SYTL2: variants seen among roughly 807,000 people sequenced by gnomAD.
SYTL2 encodes the protein synaptotagmin like 2, also known as synaptotagmin-like protein 2.
SYTL2 carries 165 observed loss-of-function variants against 198.7 expected under a neutral mutation model. The observed-to-expected ratio is 0.83, with a 90% CI of 0.73 to 0.94. The LOEUF is 0.94. Ranked by LOEUF, SYTL2 falls within the 40% of genes least tolerant of loss-of-function variation. SYTL2 has a pLI of 0.00. For synonymous variants in SYTL2, 966 were observed against 917.7 expected, an observed-to-expected ratio of 1.05 and a Z score of -0.95; for missense variants, 2,835 against 2,582.8, an observed-to-expected ratio of 1.10 and a Z score of -2.12.
chr11:85,725,581 A>T lies in SYTL2; in HGVS notation c.3777T>A (p.Thr1259=). 6.2e-7 allele frequency: 1 copy of T among 1,614,120 alleles called. No individual in the cohort carries two copies. The highest frequency in any genetic ancestry group is 8.5e-7 in the Non-Finnish European group (1 of 1,179,982). ...CTAGTATTTCTCTCTTATCAGCTGA[A>T]GTATTGTGACTCTGTTCTATCCCTT... ...FGKGIEQSHN[T]SADKREILAP... The change falls in exon 8 of 20, where the codon ACT becomes ACA. Residue 1259 remains threonine (T), a synonymous_variant. Transcript: ENST00000359152.
the SYTL2 span, among the ~76,000 whole-genome samples, chr11:85,845,479 T>C: frequency 6.6e-6 from 1 of 152,144 alleles, no homozygotes; most frequent in South Asian, 2.1e-4. Context: ...AACAACAACC[T>C]GGGCTGGGTG....
At chr11:85,816,131 T>C (rs1351421495), upstream of SYTL2, among the ~76,000 whole-genome samples, 2 of 152,066 alleles carry the variant, frequency 1.3e-5, no homozygotes, top group South Asian at 2.1e-4. Flanking sequence ...CGCCACTGCA[T>C]TCCAGCCTGG....
At chr11:85,796,577 C>A (rs556057733) in intron 1 of SYTL2, among the ~76,000 whole-genome samples, 3 of 152,302 alleles carry the variant, frequency 2.0e-5, no homozygotes. Flanking sequence ...TTACAGTGGG[C>A]AATCAAGAAG....
the SYTL2 span, among the ~76,000 whole-genome samples, chr11:85,828,561 T>A: frequency 6.6e-6 from 1 of 152,226 alleles, no homozygotes; most frequent in African/African-American, 2.4e-5. Context: ...TATCTCTACC[T>A]ATCTTTGGCA....
At chr11:85,769,779 T>C (rs977238158) in intron 1 of SYTL2, among the ~76,000 whole-genome samples, 1 of 151,492 alleles carries the variant, frequency 6.6e-6, no homozygotes, top group Non-Finnish European at 1.5e-5. Context: ...GGGAAGAGAG[T>C]CCAGTAGCGG....
At chr11:85,815,215 A>C (rs1377710000), upstream of SYTL2, among the ~76,000 whole-genome samples, 1 of 152,222 alleles carries the variant, frequency 6.6e-6, no homozygotes, top group African/African-American at 2.4e-5. Context: ...AAAGTAAAAG[A>C]ACCTTTCTCT....
chr11:85,748,301 G>C lies in SYTL2; in HGVS notation c.224C>G (p.Ser75Cys). 1 of 1,613,710 alleles carries C rather than the reference G, an allele frequency of 6.2e-7. No individual in the cohort carries two copies. Among genetic ancestry groups the C allele is most frequent in the Non-Finnish European group, 8.5e-7 (1 of 1,179,728 alleles). Residue 75 changes from serine (S) to cysteine (C), a missense_variant, in exon 3 of 20, where the codon TCT becomes TGT. By Grantham distance (112) the Ser-to-Cys change is moderately radical. This residue lies in a region of SYTL2 where 2,645 missense variants were observed against 2,381.7 expected (regional missense o/e 1.11). Coordinates refer to ENST00000359152, the MANE Select transcript of SYTL2 (RefSeq NM_206927.4). The part of the protein sequence containing the change: ...KIHGADIIRA[S>C]MRKKRPQIAA... ...TATCTGGGGCCTCTTCTTTCTCATA[G>C]ATGCTCTGATGATATCTGCGCCATG...
In SYTL2 at chr11:85,727,908, C is replaced by G; in HGVS notation, c.1450G>C (p.Asp484His). 1.2e-6 allele frequency: 2 copies of G among 1,613,638 alleles called. No individual in the cohort carries two copies. Among genetic ancestry groups the G allele is most frequent in the Non-Finnish European group, 1.7e-6 (2 of 1,179,874 alleles). The change falls in exon 8 of 20, where the codon GAC (aspartate) becomes CAC (histidine). Residue 484 changes from aspartate (D) to histidine (H), a missense_variant. By Grantham distance (81) the Asp-to-His change is moderately conservative. Around this residue, in one of 3 missense-constraint regions of SYTL2, gnomAD observed 2,645 missense variants for 2,381.7 expected, o/e 1.11. Transcript: ENST00000359152. ...GGAGGGGGCTTACCTTGCTGACGGT[C>G]TCTAGAACTGCCACCTGGCACCTGA... ...PSQVPGGSSRDRQQGKPPPLP... is the reference protein window; with the variant it reads ...PSQVPGGSSRHRQQGKPPPLP...
At chr11:85,703,517 C>A (rs569571154) in intron 16 of SYTL2, among the ~76,000 whole-genome samples, 2 of 152,194 alleles carry the variant, frequency 1.3e-5, no homozygotes, top group South Asian at 4.1e-4. Flanking sequence ...AACCTAGCAA[C>A]AGAGCAAAAA....
chr11:85,786,754 A>G (rs541873786), intron 1 of SYTL2, among the ~76,000 whole-genome samples: 3 of 152,232 alleles, frequency 2.0e-5, no homozygotes, highest in South Asian at 4.2e-4. Flanking sequence ...CAATGCACCA[A>G]TTGTTTTTCA....
At chr11:85,709,950 T>C (rs2085959339) in intron 13 of SYTL2, among the ~76,000 whole-genome samples, 1 of 152,244 alleles carries the variant, frequency 6.6e-6, no homozygotes, top group African/African-American at 2.4e-5. Flanking sequence ...CCCAAAGTGC[T>C]GGAATTACAG....
At chr11:85,730,955 G>T (rs1344923019) in intron 7 of SYTL2, among the ~76,000 whole-genome samples, 1 of 151,356 alleles carries the variant, frequency 6.6e-6, no homozygotes, top group African/African-American at 2.4e-5. Flanking sequence ...CAATAATAAA[G>T]AGCCAAATCA....
At chr11:85,844,561 G>A in the SYTL2 span, among the ~76,000 whole-genome samples, 2 of 152,196 alleles carry the variant, frequency 1.3e-5, no homozygotes, top group African/African-American at 4.8e-5. Context: ...TCCTGGTGTG[G>A]AGGTGGGCAT....
Position 85,720,893 on chromosome 11 carries a change from G to A in SYTL2, c.5393C>T (p.Ser1798Phe). 6.2e-7 allele frequency: 1 copy of A among 1,613,454 alleles called. No homozygotes were observed. The highest frequency in any genetic ancestry group is 8.5e-7 in the Non-Finnish European group (1 of 1,179,588). ...TGATGAAATGTCTTCTAGACTTTTG[G>A]AAGGCATTTTCCTAGCGGCACTCCT... ...LERSAARKMPSKSLEDISSDS... is the reference protein window; with the variant it reads ...LERSAARKMPFKSLEDISSDS... The change falls in exon 9 of 20, where the codon TCC (serine) becomes TTC (phenylalanine). Residue 1798 changes from serine (S) to phenylalanine (F), a missense_variant. Physicochemically the swap from Ser to Phe is radical, Grantham distance 155. Around this residue, in one of 3 missense-constraint regions of SYTL2, gnomAD observed 2,645 missense variants for 2,381.7 expected, o/e 1.11. Transcript: ENST00000359152.
chr11:85,851,696 A>C, the SYTL2 span, among the ~76,000 whole-genome samples: 1 of 152,378 alleles, frequency 6.6e-6, no homozygotes, highest in East Asian at 1.9e-4. Flanking sequence ...ACATTTTTTC[A>C]CTATGGGCCC....
chr11:85,725,512 G>T lies in SYTL2; in HGVS notation c.3846C>A (p.Leu1282=). The T allele has an allele frequency of 6.2e-7, 1 of 1,614,028 alleles. No individual in the cohort carries two copies. The highest frequency in any genetic ancestry group is 1.1e-5 in the South Asian group (1 of 91,060). The change falls in exon 8 of 20, where the codon CTC becomes CTA. Residue 1282 remains leucine, a synonymous_variant. Coordinates refer to ENST00000359152, the MANE Select transcript of SYTL2 (RefSeq NM_206927.4). ...ACTCACCACTTTCAGCTTTCTTGAG[G>T]AGAGCTGTATTTCCAAAAGTTTCAT... The part of the protein sequence containing the change: ...VRDETFGNTA[L]LKKAESGECQ...
At chr11:85,836,095 T>C in the SYTL2 span, among the ~76,000 whole-genome samples, 1 of 152,142 alleles carries the variant, frequency 6.6e-6, no homozygotes, top group Non-Finnish European at 1.5e-5. Flanking sequence ...AAGAGGTCCT[T>C]TGGTGCTAAT....
chr11:85,853,597 C>T, the SYTL2 span: 2 of 162,396 alleles, frequency 1.2e-5, no homozygotes, highest in African/African-American at 4.9e-5. Context: ...ACCTTCCCTC[C>T]ACTATTGTCC....
intron 14 of SYTL2, 68 bp from the exon 15 acceptor site, chr11:85,707,599 A>C (rs1399877975): frequency 2.0e-6 from 2 of 1,008,660 alleles, no homozygotes; most frequent in Admixed American, 4.0e-5. Context: ...CTAGTTTTTT[A>C]AATACATTGA....
Sources: gnomAD v4.1 joint callset for allele counts (sites outside exome capture counted in the v4.1 genomes callset) on GRCh38, gnomAD v4.1.1 for gene constraint, gnomAD v4.1.1 regional missense constraint, MANE v1.5 for transcripts, NCBI Gene and HGNC (gene_info 2026-07-23, HGNC 2026-07-21) for gene names.